The following ANKRD44 variants were observed in gnomAD, a reference collection of about 807,000 sequenced individuals.
ANKRD44 encodes ankyrin repeat domain 44.
In ANKRD44, 35 loss-of-function variants were observed where a neutral mutation model predicts 116.0. The observed-to-expected ratio is 0.30, with a 90% CI of 0.23 to 0.40. The LOEUF is 0.40. ANKRD44 is among the 10% of genes least tolerant of loss of function. The pLI, the probability that ANKRD44 is intolerant of heterozygous loss-of-function variation, is 1.00. For synonymous variants in ANKRD44, 435 were observed against 461.8 expected, an observed-to-expected ratio of 0.94 and a Z score of 0.74; for missense variants, 1,014 against 1,242.6, an observed-to-expected ratio of 0.82 and a Z score of 2.77.
chr2:197,039,168 T>C, intron 16 of ANKRD44, among the ~76,000 whole-genome samples: 1 of 152,220 alleles, frequency 6.6e-6, no homozygotes, highest in Admixed American at 6.5e-5. Flanking sequence ...TTTAGTTTCA[T>C]TCTTTTGTGT....
intron 4 of ANKRD44, among the ~76,000 whole-genome samples, chr2:197,129,283 G>A (rs769605034): frequency 2.2e-4 from 33 of 152,056 alleles, no homozygotes; most frequent in Non-Finnish European, 2.8e-4. Flanking sequence ...ATAGGCATGC[G>A]CCACCACGTC....
chr2:196,981,840 T>C (rs1206238020), downstream of ANKRD44, among the ~76,000 whole-genome samples: 1 of 151,830 alleles, frequency 6.6e-6, no homozygotes, highest in East Asian at 1.9e-4. Context: ...AATCCATTGG[T>C]CAACTTCTCT....
chr2:197,142,871 G>C (rs891531815), intron 3 of ANKRD44, among the ~76,000 whole-genome samples: 11 of 151,872 alleles, frequency 7.2e-5, no homozygotes, highest in Admixed American at 7.2e-4. Context: ...CAGATGTGGT[G>C]GCTCATGCCT....
At chr2:197,039,101 T>C (rs1441794184) in intron 16 of ANKRD44, among the ~76,000 whole-genome samples, 2 of 152,232 alleles carry the variant, frequency 1.3e-5, no homozygotes, top group East Asian at 1.9e-4. Flanking sequence ...AGCAGAATCA[T>C]ACTTCACCTT....
At chr2:196,990,716 C>T (rs909174262) in intron 27 of ANKRD44, 10 of 1,232,054 alleles carry the variant, frequency 8.1e-6, no homozygotes, top group Non-Finnish European at 1.0e-5. Context: ...TTTCATTGTA[C>T]CCATCCTCCG....
rs533146568 is a variant in ANKRD44 at position 197,280,206 on chromosome 2, T to C, written c.27+30372A>G. 2.4e-4 allele frequency among the ~76,000 whole-genome samples: 36 copies of C among 152,226 alleles called. No individual in the cohort carries two copies. In the South Asian group the frequency reaches 6.9e-3, roughly 29 times the overall value. On this transcript the variant is annotated intron_variant, in intron 1 of 27. Transcript: ENST00000282272. Reference sequence around the variant, plus strand: ...AATCACCTTAAGCCCCCCGGGGCCATGTGCAGTCTACAGACAGGAAATAGG... The same window carrying C: ...AATCACCTTAAGCCCCCCGGGGCCACGTGCAGTCTACAGACAGGAAATAGG...
At chr2:197,093,337 T>C (rs1485675186) in intron 10 of ANKRD44, among the ~76,000 whole-genome samples, 1 of 152,166 alleles carries the variant, frequency 6.6e-6, no homozygotes, top group Non-Finnish European at 1.5e-5. Flanking sequence ...TAAACCTCAT[T>C]ATCAATATTT....
In ANKRD44 at chr2:197,078,654, G is replaced by A. The variant is rs774547585; in HGVS notation, c.1650+49C>T. 5.0e-6 allele frequency: 8 copies of A among 1,598,424 alleles called. No homozygotes were observed. The African/African-American group carries it at 8.0e-5, about 16-fold the overall frequency. On this transcript the variant is annotated intron_variant, in intron 16 of 27. Coordinates refer to ENST00000282272, the MANE Select transcript of ANKRD44 (RefSeq NM_001195144.2). ...AAACAGTTAATGCCTCTGTGATTTG[G>A]GGTATGTGTGTGTGTGTGTGTTAGA...
At chr2:197,278,466 C>T (rs1405471895) in intron 1 of ANKRD44, among the ~76,000 whole-genome samples, 1 of 152,064 alleles carries the variant, frequency 6.6e-6, no homozygotes, top group African/African-American at 2.4e-5. Context: ...AAGCAATTCT[C>T]CTGCCTCAGC....
chr2:197,012,706 A>G (rs1320843646), intron 18 of ANKRD44, among the ~76,000 whole-genome samples: 1 of 152,246 alleles, frequency 6.6e-6, no homozygotes, highest in African/African-American at 2.4e-5. Context: ...CCAAGTAACA[A>G]GAATCATAAA....
At chr2:197,263,326 C>G (rs1416806445) in intron 1 of ANKRD44, 3 of 595,640 alleles carry the variant, frequency 5.0e-6, no homozygotes, top group Non-Finnish European at 9.0e-6. Context: ...ACACAACAGC[C>G]AAGTTCATTG....
At chr2:197,279,474 C>A (rs1047967496) in intron 1 of ANKRD44, among the ~76,000 whole-genome samples, 1 of 152,136 alleles carries the variant, frequency 6.6e-6, no homozygotes, top group Non-Finnish European at 1.5e-5. Context: ...AACTCCTTAG[C>A]GGGTTTTCAC....
intron 19 of ANKRD44, 53 bp from the exon 20 acceptor site, chr2:197,007,976 A>G (rs2076230657): frequency 1.7e-6 from 2 of 1,182,168 alleles, no homozygotes; most frequent in African/African-American, 1.7e-5. Context: ...AAAAATATTC[A>G]TCACTACCAG....
intron 16 of ANKRD44, among the ~76,000 whole-genome samples, chr2:197,062,239 G>GA (rs1043984823): frequency 1.3e-5 from 2 of 152,176 alleles, no homozygotes; most frequent in African/African-American, 4.8e-5. Context: ...AGTTTTAATG[G>GA]AGCCTAGGAA....
intron 4 of ANKRD44, among the ~76,000 whole-genome samples, chr2:197,130,693 C>T (rs761158422): frequency 5.3e-5 from 8 of 152,082 alleles, no homozygotes; most frequent in Non-Finnish European, 8.8e-5. Flanking sequence ...TTTATAATCA[C>T]GAAGATAATT....
intron 16 of ANKRD44, among the ~76,000 whole-genome samples, chr2:197,025,733 G>A (rs62185249): frequency 0.1 from 15,704 of 152,290 alleles, 1,018 homozygotes; most frequent in East Asian, 0.16. Flanking sequence ...CTGACAGGCT[G>A]CTTTACAGCA....
At chr2:197,025,095 C>T (rs1478441526) in intron 17 of ANKRD44, 101 bp downstream of exon 17, 5 of 1,174,178 alleles carry the variant, frequency 4.3e-6, no homozygotes, top group Non-Finnish European at 6.3e-6. Flanking sequence ...CACTACCACT[C>T]ATCACTGTGT....
intron 1 of ANKRD44, among the ~76,000 whole-genome samples, chr2:197,187,644 TTC>T (rs55952976): frequency 0.29 from 38,824 of 134,230 alleles, 5,084 homozygotes; most frequent in Middle Eastern, 0.34. Flanking sequence ...CACGTTCTCA[TTC>T]TCTCTCTCTC....
chr2:197,264,961 C>T (rs922061318), intron 1 of ANKRD44, among the ~76,000 whole-genome samples: 2 of 152,046 alleles, frequency 1.3e-5, no homozygotes, highest in Admixed American at 6.6e-5. Context: ...TGGTCATTGC[C>T]ATTTACAAAA....
Sources: allele counts gnomAD v4.1 joint callset (sites outside exome capture counted in the v4.1 genomes callset), GRCh38; gene constraint gnomAD v4.1.1; transcripts MANE v1.5; gene names NCBI Gene and HGNC (gene_info 2026-07-23, HGNC 2026-07-21).